BDH1: variants seen among roughly 807,000 people sequenced by gnomAD.
BDH1 encodes the protein 3-hydroxybutyrate dehydrogenase 1, also known as D-beta-hydroxybutyrate dehydrogenase, mitochondrial.
Under a neutral mutation model 33.1 loss-of-function variants are expected in BDH1, and 30 were observed. The observed-to-expected ratio is 0.91, with a 90% confidence interval of 0.68 to 1.23. The LOEUF (loss-of-function observed/expected upper bound fraction) is 1.23, where lower values mean the gene tolerates loss of function less well. Among genes scored for constraint, BDH1 ranks in the 50% most tolerant of loss-of-function variants. The pLI, the probability that BDH1 is intolerant of heterozygous loss-of-function variation, is 0.00. For missense variants in BDH1, 443 were observed against 464.4 expected (o/e 0.95, Z 0.42); for synonymous variants, 190 against 183.6 (o/e 1.03, Z -0.28).
intron 3 of BDH1, among the ~76,000 whole-genome samples, chr3:197,541,639 T>C (rs983999263): frequency 4.0e-5 from 6 of 149,134 alleles, no homozygotes; most frequent in Admixed American, 2.6e-4. Context: ...AGATTCTCCA[T>C]AGAATGATTT....
At chr3:197,539,903 C>T (rs190725331) in intron 3 of BDH1, among the ~76,000 whole-genome samples, 3 of 152,308 alleles carry the variant, frequency 2.0e-5, no homozygotes, top group South Asian at 2.1e-4. Flanking sequence ...CTTGCACAGC[C>T]GGCTCTGCGT....
In BDH1 at chr3:197,520,171, GGGAGAGGGA is replaced by G. The variant is rs1221705621; in HGVS notation, c.409+2460_409+2468del. Among the ~76,000 whole-genome samples, 1 of 152,224 alleles carries G rather than the reference GGGAGAGGGA, an allele frequency of 6.6e-6. No homozygotes were observed. The highest frequency in any genetic ancestry group is 2.4e-5 in the African/African-American group (1 of 41,456). ...AGTGGCAGAGTGTGGAGGGGAAGCA[GGGAGAGGGA>G]GGAGAGGGAGACGGGAAGAAAGCGA... On this transcript the variant is annotated intron_variant, in intron 6 of 7. Transcript: ENST00000392379. This position sits in a 1 kb window ranked among gnomAD's most constrained non-coding sequence, Gnocchi z 6.0.
chr3:197,538,682 A>G (rs781374989), intron 3 of BDH1: 3 of 212,862 alleles, frequency 1.4e-5, no homozygotes, highest in Non-Finnish European at 2.9e-5. Flanking sequence ...ATGTAAATAT[A>G]TTACCTATTC....
chr3:197,543,681 T>C (rs1231812972), intron 3 of BDH1, among the ~76,000 whole-genome samples: 1 of 152,148 alleles, frequency 6.6e-6, no homozygotes, highest in Non-Finnish European at 1.5e-5. Context: ...TCAAGAGTGG[T>C]GGGTGTTTTG....
Position 197,510,599 on chromosome 3 carries a change from G to GGTGGGT in BDH1, c.*1295_*1296insACCCAC, listed in dbSNP as rs1711822475. On this transcript the variant is annotated 3_prime_UTR_variant, in exon 8 of 8. Transcript: ENST00000392379. ...CCACGCTGAAGCCCTGCAGAACAGG[G>GGTGGGT]GTGTGTGTGTGTGTGTGTGTGTGTG... 2.7e-5 allele frequency: 2 copies of GGTGGGT among 75,316 alleles called. No homozygotes were observed. Among genetic ancestry groups the GGTGGGT allele is most frequent in the South Asian group, 1.2e-3 (2 of 1,632 alleles). 4.7% of individuals were successfully genotyped at this position (75,316 alleles called of 1,614,324 possible).
At chr3:197,529,223 G>A (rs972619000) in intron 5 of BDH1, 2 of 152,158 alleles carry the variant, frequency 1.3e-5, no homozygotes, top group East Asian at 1.9e-4. Context: ...TCACATCTAC[G>A]AAATGTTCCT....
intron 5 of BDH1, among the ~76,000 whole-genome samples, chr3:197,531,994 C>A (rs1458928009): frequency 1.3e-5 from 2 of 152,188 alleles, no homozygotes; most frequent in East Asian, 3.8e-4. Context: ...CTTCCTCTGG[C>A]ATGCCATCAT....
upstream of BDH1, among the ~76,000 whole-genome samples, chr3:197,558,577 T>A (rs999756835): frequency 3.9e-5 from 6 of 152,226 alleles, no homozygotes; most frequent in African/African-American, 1.4e-4. Flanking sequence ...TATGTAGCTT[T>A]AAATGATTCC....
In BDH1 at chr3:197,510,599, G is replaced by GTGTGTATGTGTGT. The variant is rs869271269; in HGVS notation, c.*1295_*1296insACACACATACACA. On this transcript the variant is annotated 3_prime_UTR_variant, in exon 8 of 8. Transcript: ENST00000392379. ...CCACGCTGAAGCCCTGCAGAACAGG[G>GTGTGTATGTGTGT]GTGTGTGTGTGTGTGTGTGTGTGTG... is the stretch of plus-strand genomic sequence containing the variant. The GTGTGTATGTGTGT allele has an allele frequency of 1.3e-5, 1 of 75,316 alleles. No homozygotes were observed. The highest frequency in any genetic ancestry group is 2.4e-5 in the Non-Finnish European group (1 of 41,024). The allele number at this position is 75,316 out of a possible 1,614,324, so 4.7% of individuals were successfully genotyped here.
chr3:197,567,696 C>G (rs1054637410), intron 1 of BDH1, among the ~76,000 whole-genome samples: 1 of 152,054 alleles, frequency 6.6e-6, no homozygotes, highest in Non-Finnish European at 1.5e-5. Flanking sequence ...AACTGAGAGA[C>G]CTGTCTGAGA....
intron 1 of BDH1, among the ~76,000 whole-genome samples, chr3:197,570,233 T>G (rs1307937709): frequency 6.6e-6 from 1 of 152,212 alleles, no homozygotes; most frequent in African/African-American, 2.4e-5. Flanking sequence ...GCATTCAAAG[T>G]GTGACTTGGG....
Position 197,511,723 on chromosome 3 carries a change from A to T in BDH1, c.*172T>A. On this transcript the variant is annotated 3_prime_UTR_variant, in exon 8 of 8. Transcript: ENST00000392379. ...TCCACACCCTGTTTGTGAAGGCCCA[A>T]GTCACTCACTATGCAAAGAAGTCAT... is the stretch of plus-strand genomic sequence containing the variant. 3.2e-6 allele frequency: 2 copies of T among 633,894 alleles called. No individual in the cohort carries two copies. The highest frequency in any genetic ancestry group is 5.2e-6 in the Non-Finnish European group (2 of 386,660). 39.3% of individuals were successfully genotyped at this position (633,894 alleles called of 1,614,324 possible).
chr3:197,570,124 G>T (rs552677114), intron 1 of BDH1, among the ~76,000 whole-genome samples: 3 of 152,230 alleles, frequency 2.0e-5, no homozygotes, highest in Non-Finnish European at 4.4e-5. Context: ...TTAGCAAAGA[G>T]ACTGGCAGCA....
At chr3:197,551,550 C>T (rs1435782033) in intron 2 of BDH1, among the ~76,000 whole-genome samples, 2 of 152,162 alleles carry the variant, frequency 1.3e-5, no homozygotes, top group African/African-American at 4.8e-5. Flanking sequence ...GCAGATATCT[C>T]TTCAATATAC....
Position 197,512,159 on chromosome 3 carries a change from G to C in BDH1, c.768C>G (p.Ile256Met). Residue 256 changes from isoleucine to methionine, a missense_variant, in exon 8 of 8, where the codon ATC becomes ATG. Physicochemically the swap from Ile to Met is conservative, Grantham distance 10. Transcript: ENST00000392379. The part of the protein sequence containing the change: ...SLYSPESIQA[I>M]AKKMWEELPE... The stretch of plus-strand genomic sequence containing the variant: ...GCAGCTCCTCCCACATCTTCTTGGC[G>C]ATGGCCTGAATGCTCTCAGGGCTGT... 1.2e-6 allele frequency: 2 copies of C among 1,614,148 alleles called. No individual in the cohort carries two copies. Among genetic ancestry groups the C allele is most frequent in the Non-Finnish European group, 1.7e-6 (2 of 1,180,024 alleles).
At chr3:197,518,591 A>C (rs1284426502) in intron 6 of BDH1, among the ~76,000 whole-genome samples, 2 of 6,448 alleles carry the variant, frequency 3.1e-4, no homozygotes, top group African/African-American at 6.8e-4. Context: ...TGACCCCCCC[A>C]ATCAGTCACT....
At chr3:197,570,368 T>C (rs948759098) in intron 1 of BDH1, among the ~76,000 whole-genome samples, 2 of 152,194 alleles carry the variant, frequency 1.3e-5, no homozygotes, top group Non-Finnish European at 2.9e-5. Context: ...CTGCAGAAAT[T>C]TGCATAAGTA....
At chr3:197,524,474 C>T (rs1000300397) in intron 5 of BDH1, among the ~76,000 whole-genome samples, 4 of 152,180 alleles carry the variant, frequency 2.6e-5, no homozygotes, top group African/African-American at 9.6e-5. Flanking sequence ...CATGCAATTT[C>T]AGAGGGCACA....
Position 197,521,038 on chromosome 3 carries a change from A to G in BDH1, c.409+1602T>C, listed in dbSNP as rs1713490087. ...AGCTGCTGTGACAGACAGCACATCC[A>G]TCTGGCTGATACAGGCTCAGCAGAG... On this transcript the variant is annotated intron_variant, in intron 6 of 7. Coordinates refer to ENST00000392379, the MANE Select transcript of BDH1 (RefSeq NM_203314.3). This position sits in a 1 kb window ranked among gnomAD's most constrained non-coding sequence, Gnocchi z 4.9. Among the ~76,000 whole-genome samples the G allele has an allele frequency of 6.6e-6, 1 of 151,988 alleles. No homozygotes were observed. Among genetic ancestry groups the G allele is most frequent in the Non-Finnish European group, 1.5e-5 (1 of 67,974 alleles).
Sources: gnomAD v4.1 joint callset for allele counts (sites outside exome capture counted in the v4.1 genomes callset) on GRCh38, gnomAD v4.1.1 for gene constraint, Gnocchi (gnomAD v3.1) non-coding constraint, MANE v1.5 for transcripts, NCBI Gene and HGNC (gene_info 2026-07-23, HGNC 2026-07-21) for gene names.